The following EXOC3 variants were observed in gnomAD, a reference collection of about 807,000 sequenced individuals.
The protein encoded by EXOC3 is exocyst complex component 3, also known as SEC6-like 1.
EXOC3 carries 21 observed loss-of-function variants against 73.7 expected under a neutral mutation model. That is an observed-to-expected ratio of 0.29 (90% CI 0.20 to 0.41). The LOEUF (loss-of-function observed/expected upper bound fraction) is 0.41, where lower values mean the gene tolerates loss of function less well. Ranked by LOEUF, EXOC3 falls within the 10% of genes least tolerant of loss-of-function variation. EXOC3 has a pLI of 1.00. For missense variants in EXOC3, 842 were observed against 985.1 expected, an observed-to-expected ratio of 0.85 and a Z score of 1.95; for synonymous variants, 410 against 389.1, an observed-to-expected ratio of 1.05 and a Z score of -0.63.
intron 1 of EXOC3, among the ~76,000 whole-genome samples, chr5:445,687 G>A (rs1737487145): frequency 6.6e-6 from 1 of 152,184 alleles, no homozygotes; most frequent in South Asian, 2.1e-4. Flanking sequence ...GGGAATTGTG[G>A]GGCTTGTGCT....
At chr5:451,504 G>A (rs994873869) in intron 3 of EXOC3, among the ~76,000 whole-genome samples, 1 of 152,134 alleles carries the variant, frequency 6.6e-6, no homozygotes, top group Non-Finnish European at 1.5e-5. Context: ...ATTTTTTAAT[G>A]TATTAGTTTC....
At chr5:461,882 G>C (rs1737996092) in intron 7 of EXOC3, 78 bp from the exon 8 acceptor site, 3 of 956,828 alleles carry the variant, frequency 3.1e-6, no homozygotes, top group African/African-American at 3.2e-5. Flanking sequence ...TTTCAGGCCA[G>C]GCGTGACGTC....
At chr5:462,995 C>T (rs944070974) in intron 9 of EXOC3, among the ~76,000 whole-genome samples, 23 of 152,184 alleles carry the variant, frequency 1.5e-4, no homozygotes, top group African/African-American at 5.5e-4. Flanking sequence ...ATCCCAGCTG[C>T]TTGGGAGGCT....
At chr5:460,087 G>C (rs1737940455) in intron 7 of EXOC3, among the ~76,000 whole-genome samples, 1 of 152,194 alleles carries the variant, frequency 6.6e-6, no homozygotes. Flanking sequence ...GACCCTCTCT[G>C]AAGCCACTGC....
chr5:460,732 T>C (rs1347629914), intron 7 of EXOC3, among the ~76,000 whole-genome samples: 3 of 152,232 alleles, frequency 2.0e-5, no homozygotes, highest in Non-Finnish European at 2.9e-5. Context: ...AAATCCCTAT[T>C]GGCCATCTGT....
intron 7 of EXOC3, 76 bp downstream of exon 7, chr5:459,535 A>G: frequency 1.5e-6 from 1 of 669,734 alleles, no homozygotes; most frequent in Non-Finnish European, 2.5e-6. Flanking sequence ...TTTTGATCCT[A>G]CTATGCCTGT....
At position 457,573 on chromosome 5, in the gene EXOC3, G is replaced by A. The variant is rs555812118; in HGVS notation, c.1165-327G>A. ...TCTGGGCATGGGAACAGGCCTGACC[G>A]GACCTGGTCGGCCTCATTCTCTGTG... is the stretch of plus-strand genomic sequence containing the variant. On this transcript the variant is annotated intron_variant, in intron 5 of 12. Coordinates refer to ENST00000512944, the MANE Select transcript of EXOC3 (RefSeq NM_007277.5). The A allele has an allele frequency of 9.0e-4, 248 of 276,422 alleles. 2 individuals carry two copies. Among genetic ancestry groups the A allele is most frequent in the African/African-American group, 4.9e-3 (224 of 45,542 alleles). The allele number at this position is 276,422 out of a possible 1,614,324, so 17.1% of individuals were successfully genotyped here.
chr5:464,043 C>G (rs1738061874), intron 9 of EXOC3, among the ~76,000 whole-genome samples: 1 of 152,248 alleles, frequency 6.6e-6, no homozygotes, highest in South Asian at 2.1e-4. Context: ...TGTGACGTAG[C>G]AAAGATGCAC....
chr5:443,229 G>GGC lies in EXOC3; in HGVS notation c.-117_-116insCG, dbSNP rs1737383001. The GGC allele has an allele frequency of 7.2e-6, 1 of 138,814 alleles. No homozygotes were observed. Among genetic ancestry groups the GGC allele is most frequent in the Admixed American group, 7.1e-5 (1 of 13,996 alleles). 8.6% of individuals were successfully genotyped at this position (138,814 alleles called of 1,614,324 possible). A position where few individuals can be genotyped will look rare whatever the true frequency, so the allele number is the denominator to read the frequency against. ...GCAGCGAAGGCGGAGGGGGCGGCGG[G>GGC]GGCGGCGGCGGCGGCGGCGGCGGCG... On this transcript the variant is annotated 5_prime_UTR_variant, in exon 1 of 13. Transcript: ENST00000512944.
intron 4 of EXOC3, 99 bp downstream of exon 4, chr5:454,150 C>T: frequency 9.9e-7 from 1 of 1,013,582 alleles, no homozygotes; most frequent in East Asian, 2.6e-5. Context: ...GGGTGTTGCT[C>T]TGGGCAGGTG....
rs1738171342 is a variant in EXOC3 at position 466,968 on chromosome 5, A to T, written c.*70A>T. ...TGCCTTTAGAAACGCGGGACAGCTG[A>T]TTGCTCTCCTTGGCCACACGTGCTC... On this transcript the variant is annotated 3_prime_UTR_variant, in exon 13 of 13. Coordinates refer to ENST00000512944, the MANE Select transcript of EXOC3 (RefSeq NM_007277.5). 7.0e-7 allele frequency: 1 copy of T among 1,431,088 alleles called. No homozygotes were observed. The highest frequency in any genetic ancestry group is 9.5e-7 in the Non-Finnish European group (1 of 1,052,344). 88.6% of individuals were successfully genotyped at this position (1,431,088 alleles called of 1,614,324 possible).
intron 3 of EXOC3, among the ~76,000 whole-genome samples, chr5:452,216 C>G (rs1737678566): frequency 6.6e-6 from 1 of 152,194 alleles, no homozygotes. Context: ...GTTCACTTTT[C>G]TTCAATCTTT....
chr5:456,262 C>T (rs1737805098), intron 4 of EXOC3, among the ~76,000 whole-genome samples: 1 of 152,234 alleles, frequency 6.6e-6, no homozygotes. Context: ...ACTTATAAGA[C>T]TAAATACAAT....
intron 9 of EXOC3, 66 bp from the exon 10 acceptor site, chr5:464,224 C>A (rs72698510): frequency 0.18 from 272,271 of 1,531,764 alleles, 27,225 homozygotes; most frequent in Admixed American, 0.21. Flanking sequence ...TGCCTCCCTC[C>A]CACATGCACT....
chr5:453,967 C>T lies in EXOC3; in HGVS notation c.962C>T (p.Thr321Met), dbSNP rs527320283. The T allele has an allele frequency of 1.4e-5, 23 of 1,613,842 alleles. No homozygotes were observed. The highest frequency in any genetic ancestry group is 1.7e-5 in the Admixed American group (1 of 59,992). Residue 321 changes from threonine to methionine, a missense_variant, in exon 4 of 13, where the codon ACG becomes ATG. By Grantham distance (81) the Thr-to-Met change is moderately conservative. Transcript: ENST00000512944. ...AACATGTACCACCAAGCCCTGAGCA[C>T]GCGGATGCAGGACCTCGCATCGGAA... The part of the protein sequence containing the change: ...LLNMYHQALS[T>M]RMQDLASEDL...
At chr5:445,827 CCCTGT>C (rs1370268644) in intron 1 of EXOC3, among the ~76,000 whole-genome samples, 37 of 152,284 alleles carry the variant, frequency 2.4e-4, no homozygotes, top group Admixed American at 1.0e-3. Context: ...GAGAAACCAG[CCCTGT>C]CTTGGGGAGA....
At chr5:460,537 C>T (rs1235418582) in intron 7 of EXOC3, among the ~76,000 whole-genome samples, 1 of 151,924 alleles carries the variant, frequency 6.6e-6, no homozygotes, top group Non-Finnish European at 1.5e-5. Context: ...CACTGGCCGC[C>T]CATCCACAGG....
intron 4 of EXOC3, among the ~76,000 whole-genome samples, chr5:455,579 G>A (rs541822662): frequency 2.0e-5 from 3 of 150,430 alleles, no homozygotes; most frequent in East Asian, 1.9e-4. Flanking sequence ...CTCTGAGAAC[G>A]TATTTACGGA....
At chr5:446,495 G>A (rs763968483) in intron 2 of EXOC3, 146 bp downstream of exon 2, 8 of 726,250 alleles carry the variant, frequency 1.1e-5, no homozygotes, top group Non-Finnish European at 1.8e-5. Flanking sequence ...TTTCAGCAGT[G>A]TATTACCACT....
Sources: gnomAD v4.1 joint callset for allele counts (sites outside exome capture counted in the v4.1 genomes callset) on GRCh38, gnomAD v4.1.1 for gene constraint, MANE v1.5 for transcripts, NCBI Gene and HGNC (gene_info 2026-07-23, HGNC 2026-07-21) for gene names.